ANO6: variants seen among roughly 807,000 people sequenced by gnomAD.
ANO6 encodes the protein anoctamin 6, also known as anoctamin-6.
ANO6 carries 106 observed loss-of-function variants against 117.5 expected under a neutral mutation model. That is an observed-to-expected ratio of 0.90 (90% CI 0.77 to 1.06). The LOEUF (loss-of-function observed/expected upper bound fraction) is 1.06. Ranked by LOEUF, ANO6 falls within the 50% of genes least tolerant of loss-of-function variation. The pLI is 0.00. For missense variants in ANO6, 955 were observed against 1,121.1 expected (o/e 0.85, Z 2.12); for synonymous variants, 367 against 385.1 (o/e 0.95, Z 0.55).
chr12:45,346,971 C>T (rs1402522685), intron 3 of ANO6, 51 bp from the exon 4 acceptor site: 4 of 1,577,730 alleles, frequency 2.5e-6, no homozygotes, highest in African/African-American at 2.7e-5. Context: ...ATGCCTTTTT[C>T]TGCCTTTGGT....
intron 8 of ANO6, among the ~76,000 whole-genome samples, chr12:45,357,869 T>G (rs1250118511): frequency 2.6e-5 from 4 of 152,202 alleles, no homozygotes; most frequent in Admixed American, 2.6e-4. Context: ...TTCTTACTAC[T>G]AAAAAGTGCT....
chr12:45,402,415 C>T (rs992907820), intron 13 of ANO6, among the ~76,000 whole-genome samples: 3 of 152,050 alleles, frequency 2.0e-5, no homozygotes, highest in African/African-American at 7.3e-5. Flanking sequence ...CGTGTCTTCC[C>T]TGTGCTGTGC....
At chr12:45,433,147 A>T (rs935369573), downstream of ANO6, among the ~76,000 whole-genome samples, 4 of 152,154 alleles carry the variant, frequency 2.6e-5, no homozygotes, top group African/African-American at 9.7e-5. Flanking sequence ...CCTGCTAATC[A>T]TCGCATAGGA....
At position 45,388,290 on chromosome 12, in the gene ANO6, A is replaced by T; in HGVS notation, c.1295A>T (p.Asn432Ile). 1 of 1,614,030 alleles carries T rather than the reference A, an allele frequency of 6.2e-7. No individual in the cohort carries two copies. The highest frequency in any genetic ancestry group is 8.5e-7 in the Non-Finnish European group (1 of 1,179,914). ...GCACGATGTACTCACGTAGTGATAA[A>T]TGAGATTACTCAGGTAAGCAGGGTC... ...YEARCTHVVINEITQEEERIP... is the reference protein window; with the variant it reads ...YEARCTHVVIIEITQEEERIP... Residue 432 changes from asparagine (N) to isoleucine (I), a missense_variant, in exon 11 of 20, where the codon AAT (asparagine) becomes ATT (isoleucine). By Grantham distance (149) the Asn-to-Ile change is moderately radical. Transcript: ENST00000320560.
chr12:45,293,023 A>C, intron 1 of ANO6: 1 of 1,520,854 alleles, frequency 6.6e-7, no homozygotes, highest in Non-Finnish European at 8.9e-7. Context: ...AATATTGTCC[A>C]AATATTTGAT....
intron 2 of ANO6, among the ~76,000 whole-genome samples, chr12:45,321,580 T>C (rs1288777597): frequency 2.0e-5 from 3 of 152,334 alleles, no homozygotes; most frequent in Middle Eastern, 3.4e-3. Flanking sequence ...AATATTTGGT[T>C]GAAAACTTGT....
At chr12:45,350,822 C>A in intron 7 of ANO6, 48 bp downstream of exon 7, 1 of 1,435,836 alleles carries the variant, frequency 7.0e-7, no homozygotes, top group Non-Finnish European at 9.7e-7. Context: ...CAGGGTGTTA[C>A]CCCCACAGCA....
intron 1 of ANO6, among the ~76,000 whole-genome samples, chr12:45,295,262 A>G (rs1246944246): frequency 1.3e-5 from 2 of 152,240 alleles, no homozygotes; most frequent in South Asian, 2.1e-4. Flanking sequence ...CACAAGGCCT[A>G]TACTCTGCAA....
At chr12:45,235,787 C>T (rs532003971) in intron 1 of ANO6, among the ~76,000 whole-genome samples, 14 of 152,288 alleles carry the variant, frequency 9.2e-5, no homozygotes, top group African/African-American at 3.1e-4. Context: ...TGGCTTTTTC[C>T]TTCCCTCCCT....
intron 9 of ANO6, among the ~76,000 whole-genome samples, chr12:45,373,578 C>A (rs1321021462): frequency 6.6e-6 from 1 of 152,178 alleles, no homozygotes; most frequent in Non-Finnish European, 1.5e-5. Context: ...CGCTCAACTA[C>A]ATGGAAACTG....
At chr12:45,289,696 G>A (rs1230161680) in intron 1 of ANO6, among the ~76,000 whole-genome samples, 1 of 152,152 alleles carries the variant, frequency 6.6e-6, no homozygotes, top group African/African-American at 2.4e-5. Context: ...ATTACTGGGG[G>A]AAATACTAAT....
chr12:45,262,545 C>T (rs936465038), intron 1 of ANO6, among the ~76,000 whole-genome samples: 1 of 152,150 alleles, frequency 6.6e-6, no homozygotes, highest in Admixed American at 6.5e-5. Flanking sequence ...TTGCCTCAGC[C>T]TCCCGAGCAG....
At chr12:45,281,689 G>A (rs1380148719) in intron 1 of ANO6, among the ~76,000 whole-genome samples, 1 of 152,106 alleles carries the variant, frequency 6.6e-6, no homozygotes, top group Non-Finnish European at 1.5e-5. Context: ...CAACATTCGG[G>A]ATTACATTTC....
intron 1 of ANO6, 114 bp from the exon 2 acceptor site, chr12:45,301,899 AC>A: frequency 2.4e-6 from 2 of 846,798 alleles, no homozygotes; most frequent in Non-Finnish European, 4.0e-6. Flanking sequence ...AATAATATAA[AC>A]CTGTCAATGT....
At chr12:45,349,935 C>T (rs1249373945) in intron 6 of ANO6, among the ~76,000 whole-genome samples, 2 of 152,298 alleles carry the variant, frequency 1.3e-5, no homozygotes, top group East Asian at 1.9e-4. Context: ...ATGTCTTTTC[C>T]ACTAAAGCCT....
At chr12:45,440,236 C>CTTTTTCT (rs1313262167) in exon 20 of ANO6, 1 of 219,860 alleles carries the variant, frequency 4.5e-6, no homozygotes, top group Non-Finnish European at 8.7e-6. Flanking sequence ...AGCCTAATTT[C>CTTTTTCT]TTTTTCTTTT....
At chr12:45,317,844 G>C (rs1367135310) in intron 2 of ANO6, among the ~76,000 whole-genome samples, 1 of 152,126 alleles carries the variant, frequency 6.6e-6, no homozygotes, top group Non-Finnish European at 1.5e-5. Context: ...CCTCACTGTG[G>C]TTTTGATTTG....
intron 4 of ANO6, chr12:45,347,402 TAAG>T: frequency 5.7e-6 from 2 of 349,174 alleles, no homozygotes; most frequent in Non-Finnish European, 1.0e-5. Context: ...TTAGAAAACA[TAAG>T]AATAAGGAAA....
intron 19 of ANO6, among the ~76,000 whole-genome samples, chr12:45,425,429 C>T (rs917211768): frequency 6.6e-6 from 1 of 152,166 alleles, no homozygotes; most frequent in African/African-American, 2.4e-5. Context: ...AAGAAATCCA[C>T]TTACACATAT....
Sources: allele counts gnomAD v4.1 joint callset (sites outside exome capture counted in the v4.1 genomes callset), GRCh38; gene constraint gnomAD v4.1.1; transcripts MANE v1.5; gene names NCBI Gene and HGNC (gene_info 2026-07-23, HGNC 2026-07-21).